EHBP1: variants seen among roughly 807,000 people sequenced by gnomAD.
EHBP1 encodes EH domain-binding protein 1.
A neutral mutation model predicts 144.0 loss-of-function variants in EHBP1; 55 were observed. That is an observed-to-expected ratio of 0.38 (90% CI 0.31 to 0.48). The LOEUF (loss-of-function observed/expected upper bound fraction) is 0.48, where lower values mean the gene tolerates loss of function less well. Among genes scored for constraint, EHBP1 ranks in the 20% least tolerant of loss-of-function variants. EHBP1 has a pLI of 0.98. For synonymous variants in EHBP1, 469 were observed against 472.7 expected (o/e 0.99, Z 0.10); for missense variants, 1,200 against 1,364.2 (o/e 0.88, Z 1.90).
chr2:62,731,028 A>C (rs944216358), intron 2 of EHBP1, among the ~76,000 whole-genome samples: 14 of 151,156 alleles, frequency 9.3e-5, no homozygotes, highest in Admixed American at 7.3e-4. Flanking sequence ...CATCTTGGTA[A>C]TATTGAGTCT....
chr2:63,008,612 G>GT (rs887859091), intron 19 of EHBP1, among the ~76,000 whole-genome samples: 14 of 141,588 alleles, frequency 9.9e-5, no homozygotes, highest in South Asian at 2.2e-4. Flanking sequence ...GTACCTAGAG[G>GT]TTTTTTTTTC....
intron 19 of EHBP1, among the ~76,000 whole-genome samples, chr2:63,003,792 G>A (rs911511291): frequency 4.6e-5 from 7 of 151,970 alleles, no homozygotes; most frequent in African/African-American, 1.7e-4. Context: ...TAATAAACTT[G>A]TTATGCCTTC....
At chr2:62,871,783 G>A (rs1490621593) in intron 9 of EHBP1, among the ~76,000 whole-genome samples, 1 of 152,154 alleles carries the variant, frequency 6.6e-6, no homozygotes, top group East Asian at 1.9e-4. Flanking sequence ...TAAGCACAAA[G>A]AGAAAGTATT....
chr2:62,813,989 T>C (rs191397622), intron 5 of EHBP1, among the ~76,000 whole-genome samples: 22 of 152,282 alleles, frequency 1.4e-4, no homozygotes, highest in Non-Finnish European at 1.0e-4. Flanking sequence ...ACTTTTGAAT[T>C]AGTGCTGGAA....
intron 10 of EHBP1, among the ~76,000 whole-genome samples, chr2:62,877,644 A>G (rs1339784230): frequency 6.6e-6 from 1 of 152,216 alleles, no homozygotes; most frequent in African/African-American, 2.4e-5. Flanking sequence ...CATACTAACT[A>G]TACCTTCAGA....
chr2:62,717,566 A>T (rs1380900700), intron 2 of EHBP1, among the ~76,000 whole-genome samples: 2 of 152,202 alleles, frequency 1.3e-5, no homozygotes, highest in Admixed American at 1.3e-4. Context: ...TATTTGTCTT[A>T]TGTATCACTG....
At chr2:62,970,760 T>A (rs1482175728) in intron 14 of EHBP1, among the ~76,000 whole-genome samples, 1 of 152,156 alleles carries the variant, frequency 6.6e-6, no homozygotes, top group Non-Finnish European at 1.5e-5. Flanking sequence ...GAAGCTTGAT[T>A]TTCTTGTTCT....
chr2:62,765,438 A>G (rs1382727273), intron 4 of EHBP1, among the ~76,000 whole-genome samples: 1 of 152,132 alleles, frequency 6.6e-6, no homozygotes, highest in African/African-American at 2.4e-5. Context: ...TCATTACTTC[A>G]TTAATCCAAT....
chr2:62,734,492 A>G (rs551414461), intron 2 of EHBP1, among the ~76,000 whole-genome samples: 10 of 151,116 alleles, frequency 6.6e-5, no homozygotes, highest in Non-Finnish European at 1.3e-4. Context: ...TTTGATTAGT[A>G]TTAGCATGGT....
intron 5 of EHBP1, among the ~76,000 whole-genome samples, chr2:62,781,570 T>G (rs2042426190): frequency 1.3e-5 from 2 of 152,200 alleles, no homozygotes; most frequent in Non-Finnish European, 2.9e-5. Context: ...AGATAGGAGA[T>G]TAAGTACTTT....
intron 5 of EHBP1, among the ~76,000 whole-genome samples, chr2:62,774,030 G>C (rs1305703914): frequency 2.0e-5 from 3 of 151,922 alleles, no homozygotes. Context: ...TATTGAACTT[G>C]CATAAGCCAA....
At chr2:62,899,426 G>T (rs985296182) in intron 10 of EHBP1, among the ~76,000 whole-genome samples, 3 of 152,178 alleles carry the variant, frequency 2.0e-5, no homozygotes, top group African/African-American at 7.2e-5. Context: ...GTTCCTTCCT[G>T]TCCCTTTATT....
chr2:62,842,377 G>A (rs1461002284), intron 7 of EHBP1, among the ~76,000 whole-genome samples: 2 of 152,086 alleles, frequency 1.3e-5, no homozygotes, highest in East Asian at 1.9e-4. Flanking sequence ...GAGCCACCGC[G>A]CCTGGCCCTT....
At chr2:62,900,192 A>G (rs1477262678) in intron 10 of EHBP1, among the ~76,000 whole-genome samples, 1 of 152,206 alleles carries the variant, frequency 6.6e-6, no homozygotes, top group East Asian at 1.9e-4. Context: ...GTCACTTCCA[A>G]TATAAGGAAA....
At chr2:63,036,851 T>C (rs2061459625) in intron 19 of EHBP1, among the ~76,000 whole-genome samples, 1 of 151,938 alleles carries the variant, frequency 6.6e-6, no homozygotes, top group Non-Finnish European at 1.5e-5. Context: ...GAATTTTAAG[T>C]ATCTCCTGTG....
intron 3 of EHBP1, among the ~76,000 whole-genome samples, chr2:62,751,447 T>G (rs1164898820): frequency 2.6e-5 from 4 of 152,206 alleles, no homozygotes; most frequent in Admixed American, 2.0e-4. Flanking sequence ...AAAATTCTCT[T>G]TTTTTGCTGT....
chr2:62,860,243 G>C (rs2160100), intron 8 of EHBP1, among the ~76,000 whole-genome samples: 1 of 152,094 alleles, frequency 6.6e-6, no homozygotes. Flanking sequence ...TAATCTCAGC[G>C]CTTTGGGAGG....
intron 2 of EHBP1, among the ~76,000 whole-genome samples, chr2:62,728,036 T>C (rs1321011099): frequency 1.3e-5 from 2 of 152,160 alleles, no homozygotes; most frequent in Admixed American, 1.3e-4. Flanking sequence ...GGTCAGCATA[T>C]CTGGTTGTGA....
At chr2:62,922,309 G>T (rs1449882447) in intron 10 of EHBP1, among the ~76,000 whole-genome samples, 3 of 152,180 alleles carry the variant, frequency 2.0e-5, no homozygotes, top group Non-Finnish European at 2.9e-5. Context: ...GCAAAAGAAA[G>T]TTCAAGTATT....
Sources: allele counts gnomAD v4.1 joint callset (sites outside exome capture counted in the v4.1 genomes callset), GRCh38; gene constraint gnomAD v4.1.1; transcripts MANE v1.5; gene names NCBI Gene and HGNC (gene_info 2026-07-23, HGNC 2026-07-21).